Variants in COA8 observed in about 807,000 individuals in gnomAD.
COA8 encodes the protein UPF0671 protein C14orf153.
COA8 carries 20 observed loss-of-function variants against 22.0 expected under a neutral mutation model. The ratio of observed to expected loss-of-function variants is 0.91; its 90% CI spans 0.64 to 1.32. The LOEUF is 1.32. Ranked by LOEUF, COA8 falls within the 40% of genes most tolerant of loss-of-function variation. COA8 has a pLI of 0.00. For synonymous variants in COA8, 105 were observed against 79.9 expected, an observed-to-expected ratio of 1.31 and a Z score of -1.68; for missense variants, 266 against 230.0, an observed-to-expected ratio of 1.16 and a Z score of -1.01.
intron 1 of COA8, among the ~76,000 whole-genome samples, chr14:103,569,860 TG>T: frequency 6.6e-6 from 1 of 151,846 alleles, no homozygotes; most frequent in Admixed American, 6.5e-5. Flanking sequence ...GTTTTTTGTT[TG>T]TTTGTTTTTT....
At chr14:103,587,739 C>G (rs1259743462) in intron 4 of COA8, among the ~76,000 whole-genome samples, 1 of 151,780 alleles carries the variant, frequency 6.6e-6, no homozygotes, top group Non-Finnish European at 1.5e-5. Flanking sequence ...AATCTCCTGA[C>G]CTCGTGATCC....
At position 103,587,508 on chromosome 14, in the gene COA8, CT is replaced by C. The variant is rs368240107; in HGVS notation, c.476+161del. On this transcript the variant is annotated intron_variant, in intron 4 of 4. Coordinates refer to ENST00000409074, the MANE Select transcript of COA8 (RefSeq NM_001370595.2). ...TATCAACTTTTTTTTTTCTTTTTTT[CT>C]TTTTTTTTTTTTTTTTGAGACGGAG... The C allele has an allele frequency of 0.08, 24,260 of 303,022 alleles. 18 individuals carry two copies. The highest frequency in any genetic ancestry group is 0.15 in the South Asian group (2,483 of 16,236). 18.8% of individuals were successfully genotyped at this position (303,022 alleles called of 1,614,324 possible).
intron 1 of COA8, 64 bp from the exon 2 acceptor site, chr14:103,571,559 T>C: frequency 7.0e-7 from 1 of 1,429,046 alleles, no homozygotes. Flanking sequence ...TAAATCCAGA[T>C]TGTACATTTT....
chr14:103,588,172 C>G (rs1260686195), intron 4 of COA8: 7 of 350,926 alleles, frequency 2.0e-5, no homozygotes, highest in Non-Finnish European at 3.0e-5. Context: ...TAATAATGAC[C>G]TGTATTTACA....
chr14:103,581,926 G>A lies in COA8; in HGVS notation c.386-5348G>A, dbSNP rs192474387. On this transcript the variant is annotated intron_variant, in intron 3 of 4. Transcript: ENST00000409074. This position sits in a 1 kb window ranked among gnomAD's most constrained non-coding sequence, Gnocchi z 4.1. ...TTGCCAGACACCCTCCCTGCTCTGTGGAGGGAGGGTGGAATCATGCCTTTG... is the reference window on the plus strand; with the variant it reads ...TTGCCAGACACCCTCCCTGCTCTGTAGAGGGAGGGTGGAATCATGCCTTTG... Among the ~76,000 whole-genome samples the A allele has an allele frequency of 5.3e-5, 8 of 152,298 alleles. No individual in the cohort carries two copies. The highest frequency in any genetic ancestry group is 1.7e-4 in the African/African-American group (7 of 41,566).
At chr14:103,577,705 C>A (rs1304664314) in intron 3 of COA8, among the ~76,000 whole-genome samples, 2 of 151,284 alleles carry the variant, frequency 1.3e-5, no homozygotes, top group Admixed American at 1.3e-4. Context: ...ATGGTAAAAC[C>A]CTTTGTCTAC....
intron 3 of COA8, among the ~76,000 whole-genome samples, chr14:103,576,446 C>CAG (rs1230338549): frequency 6.6e-6 from 1 of 152,172 alleles, no homozygotes; most frequent in Non-Finnish European, 1.5e-5. Context: ...AGGGTGAAGA[C>CAG]AGAGATATTC....
chr14:103,574,129 C>T lies in COA8; in HGVS notation c.344C>T (p.Ser115Leu). 3.5e-6 allele frequency: 3 copies of T among 847,820 alleles called. No individual in the cohort carries two copies. The highest frequency in any genetic ancestry group is 4.1e-5 in the Admixed American group (2 of 48,892). 52.5% of individuals were successfully genotyped at this position (847,820 alleles called of 1,614,324 possible). The change falls in exon 3 of 5, where the codon TCA (serine) becomes TTA (leucine). Residue 115 changes from serine (S) to leucine (L), a missense_variant. Transcript: ENST00000409074. ...AAGGAAAAAGAAGAATTTATTCACTCAAGACTAAAAACTAAAGGCCTGGGC... is the reference window on the plus strand; with the variant it reads ...AAGGAAAAAGAAGAATTTATTCACTTAAGACTAAAAACTAAAGGCCTGGGC... ...FSKEKEEFIHSRLKTKGLGLR... is the reference protein window; with the variant it reads ...FSKEKEEFIHLRLKTKGLGLR...
At chr14:103,569,971 C>G (rs891135186) in intron 1 of COA8, among the ~76,000 whole-genome samples, 6 of 152,190 alleles carry the variant, frequency 3.9e-5, no homozygotes, top group African/African-American at 9.7e-5. Context: ...ATTCTCCTGG[C>G]TCAGCCTCTC....
rs114580059 is a variant in COA8 at position 103,577,047 on chromosome 14, G to A, written c.385+2877G>A. On this transcript the variant is annotated intron_variant, in intron 3 of 4. Transcript: ENST00000409074. Reference sequence around the variant, plus strand: ...AACGTGACTACAAGAAGAAAAAATTGTTCAAACTCTAAATTTTACAAGGCA... The same window carrying A: ...AACGTGACTACAAGAAGAAAAAATTATTCAAACTCTAAATTTTACAAGGCA... Among the ~76,000 whole-genome samples the A allele has an allele frequency of 5.7e-3, 872 of 152,266 alleles. 8 individuals are homozygous for A. The highest frequency in any genetic ancestry group is 0.02 in the African/African-American group (817 of 41,562).
In COA8 at chr14:103,563,142, G is replaced by A. The variant is rs191175359; in HGVS notation, c.123+18G>A. Reference sequence around the variant, plus strand: ...CCAGCGGGGTAAGCAGGGGCCTGGGGACATTGGGCCGGGAGGGGTGACCGG... The same window carrying A: ...CCAGCGGGGTAAGCAGGGGCCTGGGAACATTGGGCCGGGAGGGGTGACCGG... On this transcript the variant is annotated intron_variant, in intron 1 of 4. Coordinates refer to ENST00000409074, the MANE Select transcript of COA8 (RefSeq NM_001370595.2). 3.6e-5 allele frequency: 55 copies of A among 1,541,102 alleles called. No homozygotes were observed. Among genetic ancestry groups the A allele is most frequent in the African/African-American group, 6.8e-5 (5 of 73,360 alleles).
At chr14:103,575,840 C>T (rs2076226125) in intron 3 of COA8, among the ~76,000 whole-genome samples, 1 of 152,086 alleles carries the variant, frequency 6.6e-6, no homozygotes, top group South Asian at 2.1e-4. Flanking sequence ...GCTAGGACTG[C>T]AGGTGCACGC....
intron 3 of COA8, 86 bp downstream of exon 3, chr14:103,574,256 G>GTGGGGAAGT (rs1449885653): frequency 1.3e-6 from 2 of 1,583,272 alleles, no homozygotes; most frequent in African/African-American, 2.7e-5. Context: ...GGTGAGAGAG[G>GTGGGGAAGT]TGGGGAAGTT....
At chr14:103,568,562 CAT>C (rs1422808363) in intron 1 of COA8, among the ~76,000 whole-genome samples, 11 of 129,518 alleles carry the variant, frequency 8.5e-5, no homozygotes, top group East Asian at 6.5e-4. Context: ...CATATACACA[CAT>C]ATATACGTGT....
chr14:103,563,752 G>GGAAT (rs1450770907), intron 1 of COA8, among the ~76,000 whole-genome samples: 2 of 152,268 alleles, frequency 1.3e-5, no homozygotes, highest in Admixed American at 6.5e-5. Context: ...CTAACGGTGT[G>GGAAT]GAATGGGCTG....
chr14:103,585,564 A>G (rs901497163), intron 3 of COA8, among the ~76,000 whole-genome samples: 13 of 146,446 alleles, frequency 8.9e-5, no homozygotes, highest in South Asian at 4.3e-4. Context: ...CTCCCGTTCT[A>G]TAGGTTTTTT....
chr14:103,576,049 T>C (rs887230977), intron 3 of COA8, among the ~76,000 whole-genome samples: 1 of 151,882 alleles, frequency 6.6e-6, no homozygotes, highest in Non-Finnish European at 1.5e-5. Context: ...GGTTCACGCC[T>C]GTAATCCCAG....
At position 103,571,662 on chromosome 14, in the gene COA8, T is replaced by C. The variant is rs138791247; in HGVS notation, c.163T>C (p.Trp55Arg). The C allele has an allele frequency of 2.5e-6, 4 of 1,614,140 alleles. No homozygotes were observed. The highest frequency in any genetic ancestry group is 3.4e-6 in the Non-Finnish European group (4 of 1,180,046). Residue 55 changes from tryptophan to arginine, a missense_variant, in exon 2 of 5, where the codon TGG becomes CGG. Transcript: ENST00000409074. ...FCPPRKSCHD[W>R]IGPPDKYSNL... ...CCCTCCAAGAAAGTCTTGCCATGAT[T>C]GGATAGGACCCCCAGATAAATATTC...
At chr14:103,587,252 T>G (rs1267269026) in intron 3 of COA8, 22 bp from the exon 4 acceptor site, 3 of 1,600,332 alleles carry the variant, frequency 1.9e-6, no homozygotes, top group Non-Finnish European at 8.5e-7. Flanking sequence ...GTCTTAATGT[T>G]TAAGCTGAAA....
Sources: allele counts gnomAD v4.1 joint callset (sites outside exome capture counted in the v4.1 genomes callset), GRCh38; gene constraint gnomAD v4.1.1; non-coding constraint Gnocchi (gnomAD v3.1); transcripts MANE v1.5; gene names NCBI Gene and HGNC (gene_info 2026-07-23, HGNC 2026-07-21).